The following PHACTR1 variants were observed in gnomAD, a reference collection of about 807,000 sequenced individuals.
PHACTR1 encodes the protein RPEL repeat containing 1.
PHACTR1 carries 16 observed loss-of-function variants against 69.2 expected under a neutral mutation model. That is an observed-to-expected ratio of 0.23 (90% CI 0.16 to 0.35). The LOEUF is 0.35. Ranked by LOEUF, PHACTR1 falls within the 10% of genes least tolerant of loss-of-function variation. The probability of loss-of-function intolerance (pLI) is 1.00; values close to 1 mark genes in which losing one functional copy is unlikely to be tolerated. For missense variants in PHACTR1, 510 were observed against 734.7 expected, an observed-to-expected ratio of 0.69 and a Z score of 3.54; for synonymous variants, 312 against 284.5, an observed-to-expected ratio of 1.10 and a Z score of -0.97.
At chr6:13,004,233 T>C (rs1261233947) in intron 4 of PHACTR1, among the ~76,000 whole-genome samples, 5 of 151,844 alleles carry the variant, frequency 3.3e-5, no homozygotes, top group Non-Finnish European at 1.5e-5. Flanking sequence ...TACATTCCCA[T>C]CAACAGGGTA....
At chr6:12,957,490 C>T (rs1024748442) in intron 4 of PHACTR1, 3 of 985,250 alleles carry the variant, frequency 3.0e-6, no homozygotes, top group Admixed American at 6.1e-5. Context: ...TCAAGTAAAA[C>T]GCAGGACTCC....
chr6:13,070,952 C>T (rs1476786833), intron 5 of PHACTR1, among the ~76,000 whole-genome samples: 1 of 150,176 alleles, frequency 6.7e-6, no homozygotes, highest in Non-Finnish European at 1.5e-5. Context: ...GGATTTGGAA[C>T]TTGTTTGACT....
chr6:13,022,893 T>C (rs1218643168), intron 4 of PHACTR1, among the ~76,000 whole-genome samples: 1 of 151,958 alleles, frequency 6.6e-6, no homozygotes, highest in Non-Finnish European at 1.5e-5. Context: ...GGTGCATGCC[T>C]GGAATCCCAG....
chr6:12,829,776 G>A lies in PHACTR1; in HGVS notation c.250+79986G>A, dbSNP rs192942613. Reference sequence around the variant, plus strand: ...TCAAGATCAGGCTGGCCAACCTGGTGAAACCCCGTCTCTACTAAAAATACA... The same window carrying A: ...TCAAGATCAGGCTGGCCAACCTGGTAAAACCCCGTCTCTACTAAAAATACA... On this transcript the variant is annotated intron_variant, in intron 4 of 14. Transcript: ENST00000332995. Among the ~76,000 whole-genome samples the A allele has an allele frequency of 4.7e-5, 7 of 150,454 alleles. No individual in the cohort carries two copies. The East Asian group carries it at 1.4e-3, about 29-fold the overall frequency.
rs565866246 is a variant in PHACTR1, at chr6:12,849,321, G to A, written c.250+99531G>A. On this transcript the variant is annotated intron_variant, in intron 4 of 14. Transcript: ENST00000332995. ...TGGTGAGGTCCCACGTCGGTGATTC[G>A]GTCAGCCAGACCTTCGTTTCCTTGT... 7.9e-5 allele frequency among the ~76,000 whole-genome samples: 12 copies of A among 152,134 alleles called. No homozygotes were observed. The East Asian group carries it at 9.6e-4, about 12-fold the overall frequency.
At chr6:13,171,026 G>A (rs867291303) in intron 6 of PHACTR1, among the ~76,000 whole-genome samples, 5 of 152,188 alleles carry the variant, frequency 3.3e-5, no homozygotes, top group African/African-American at 4.8e-5. Context: ...CTTAAAGGAC[G>A]TAATCCAATG....
At chr6:13,261,728 A>C (rs1775935462) in intron 10 of PHACTR1, among the ~76,000 whole-genome samples, 1 of 152,242 alleles carries the variant, frequency 6.6e-6, no homozygotes, top group Non-Finnish European at 1.5e-5. Context: ...TGGAACATGC[A>C]GGAATATTGT....
In PHACTR1 at chr6:13,080,169, C is replaced by T. The variant is rs116716887; in HGVS notation, c.415+26640C>T. Among the ~76,000 whole-genome samples, 286 of 152,186 alleles carry T rather than the reference C, an allele frequency of 1.9e-3. 4 individuals carry two copies. The highest frequency in any genetic ancestry group is 6.6e-3 in the African/African-American group (274 of 41,526). On this transcript the variant is annotated intron_variant, in intron 5 of 14. Transcript: ENST00000332995. ...CATTGGATGTCTCTGAACTTCACTGCCCCTCCTTTCCACCTGACCCCTGAC... is the reference window on the plus strand; with the variant it reads ...CATTGGATGTCTCTGAACTTCACTGTCCCTCCTTTCCACCTGACCCCTGAC...
At chr6:12,720,077 A>C (rs572427891) in intron 3 of PHACTR1, among the ~76,000 whole-genome samples, 1 of 152,356 alleles carries the variant, frequency 6.6e-6, no homozygotes, top group African/African-American at 2.4e-5. Context: ...ATGTGAGTGA[A>C]GAAGGAAAAG....
chr6:12,998,613 C>CAAAA (rs113893363), intron 4 of PHACTR1, among the ~76,000 whole-genome samples: 1 of 116,530 alleles, frequency 8.6e-6, no homozygotes, highest in South Asian at 2.8e-4. Flanking sequence ...AAGACCTGGT[C>CAAAA]AAAAAAAAAA....
At chr6:13,235,217 C>T (rs1771811478) in intron 10 of PHACTR1, among the ~76,000 whole-genome samples, 1 of 152,136 alleles carries the variant, frequency 6.6e-6, no homozygotes, top group African/African-American at 2.4e-5. Flanking sequence ...TACCCCGCCC[C>T]ATGCAAAACC....
intron 5 of PHACTR1, among the ~76,000 whole-genome samples, chr6:13,116,746 T>C (rs1321307352): frequency 2.0e-5 from 3 of 152,232 alleles, no homozygotes; most frequent in African/African-American, 7.2e-5. Flanking sequence ...GAAAAATAAC[T>C]GCTGGAGAGA....
intron 10 of PHACTR1, among the ~76,000 whole-genome samples, chr6:13,236,878 C>T (rs1157747111): frequency 1.3e-5 from 2 of 152,022 alleles, no homozygotes; most frequent in East Asian, 3.9e-4. Context: ...TGGGAAGAGA[C>T]AGATATTGCA....
chr6:13,121,396 T>A (rs1421697280), intron 5 of PHACTR1, among the ~76,000 whole-genome samples: 3 of 152,130 alleles, frequency 2.0e-5, no homozygotes, highest in Non-Finnish European at 2.9e-5. Context: ...CTCTGTAAAA[T>A]GGTAATATAG....
intron 7 of PHACTR1, among the ~76,000 whole-genome samples, chr6:13,190,196 G>GTTTTGTTTTTTTTTTTT (rs1220683843): frequency 9.4e-5 from 3 of 31,848 alleles, no homozygotes; most frequent in African/African-American, 3.1e-4. Context: ...GCTAATTTTT[G>GTTTTGTTTTTTTTTTTT]TATTTTTTTT....
At chr6:13,067,060 G>A (rs1006882318) in intron 5 of PHACTR1, among the ~76,000 whole-genome samples, 1 of 152,198 alleles carries the variant, frequency 6.6e-6, no homozygotes, top group Non-Finnish European at 1.5e-5. Context: ...GACAACAGCT[G>A]CTCCTTGTTT....
Position 13,168,340 on chromosome 6 carries a change from A to G in PHACTR1, c.496+8056A>G, listed in dbSNP as rs139801651. Among the ~76,000 whole-genome samples the G allele has an allele frequency of 1.8e-3, 281 of 152,376 alleles. 1 individual carries two copies. The highest frequency in any genetic ancestry group is 6.5e-3 in the African/African-American group (272 of 41,596). On this transcript the variant is annotated intron_variant, in intron 6 of 14. Transcript: ENST00000332995. Reference sequence around the variant, plus strand: ...ACAATAAGAATAAAGAGCAATTGTGATAACAATTCTCTTAAGCAACACTGT... The same window carrying G: ...ACAATAAGAATAAAGAGCAATTGTGGTAACAATTCTCTTAAGCAACACTGT...
At chr6:12,884,064 A>G (rs1196226920) in intron 4 of PHACTR1, among the ~76,000 whole-genome samples, 5 of 152,050 alleles carry the variant, frequency 3.3e-5, no homozygotes, top group Non-Finnish European at 7.4e-5. Flanking sequence ...TCACACATGT[A>G]CCCACATACA....
chr6:13,090,295 C>T (rs1279433645), intron 5 of PHACTR1, among the ~76,000 whole-genome samples: 2 of 151,426 alleles, frequency 1.3e-5, no homozygotes, highest in East Asian at 3.9e-4. Flanking sequence ...ATCCACCTGC[C>T]TCGGCCTCCC....
Sources: allele counts gnomAD v4.1 joint callset (sites outside exome capture counted in the v4.1 genomes callset), GRCh38; gene constraint gnomAD v4.1.1; transcripts MANE v1.5; gene names NCBI Gene and HGNC (gene_info 2026-07-23, HGNC 2026-07-21).